ABCA9: variants seen among roughly 807,000 people sequenced by gnomAD.
ABCA9 encodes the protein ATP-binding cassette sub-family A member 9.
Under a neutral mutation model 205.3 loss-of-function variants are expected in ABCA9, and 183 were observed. The observed-to-expected ratio is 0.89, with a 90% CI of 0.79 to 1.01. The LOEUF (loss-of-function observed/expected upper bound fraction) is 1.01. ABCA9 is among the 50% of genes least tolerant of loss of function. ABCA9 has a pLI of 0.00. For missense variants in ABCA9, 1,805 were observed against 1,912.4 expected, an observed-to-expected ratio of 0.94 and a Z score of 1.05; for synonymous variants, 651 against 683.3, an observed-to-expected ratio of 0.95 and a Z score of 0.74.
At position 69,054,973 on chromosome 17, in the gene ABCA9, C is replaced by CA. The variant is rs550090870; in HGVS notation, c.-13-3835dup. 5.5e-3 allele frequency among the ~76,000 whole-genome samples: 824 copies of CA among 149,142 alleles called. 7 individuals carry two copies. Among genetic ancestry groups the CA allele is most frequent in the African/African-American group, 0.018 (740 of 40,650 alleles). ...CATGAAAGAAAGTAAAAACAAAAAACAAAAAAAATGAGTCTAAATGAATGA... is the reference window on the plus strand; with the variant it reads ...CATGAAAGAAAGTAAAAACAAAAAACAAAAAAAAATGAGTCTAAATGAATGA... On this transcript the variant is annotated intron_variant, in intron 1 of 38. Transcript: ENST00000340001.
intron 1 of ABCA9, among the ~76,000 whole-genome samples, chr17:69,059,906 G>C (rs2072186725): frequency 6.6e-6 from 1 of 152,108 alleles, no homozygotes. Context: ...TGCCATCGGA[G>C]CAGGCTGTGA....
chr17:69,034,034 T>C (rs1178536070), intron 8 of ABCA9, among the ~76,000 whole-genome samples, 161 bp from the exon 9 acceptor site: 1 of 152,130 alleles, frequency 6.6e-6, no homozygotes, highest in Non-Finnish European at 1.5e-5. Context: ...TTAATAGCAA[T>C]GAAGTGATGT....
intron 3 of ABCA9, among the ~76,000 whole-genome samples, chr17:69,048,721 C>T (rs73370073): frequency 6.6e-6 from 1 of 152,112 alleles, no homozygotes; most frequent in Non-Finnish European, 1.5e-5. Context: ...CAAATTGGCC[C>T]TCTCTGCTTT....
At chr17:69,006,457 G>A (rs2144164591) in intron 25 of ABCA9, among the ~76,000 whole-genome samples, 1 of 152,314 alleles carries the variant, frequency 6.6e-6, no homozygotes, top group Non-Finnish European at 1.5e-5. Context: ...CAATGAAAAG[G>A]AATAAACTAT....
At position 69,027,102 on chromosome 17, in the gene ABCA9, C is replaced by T. The variant is rs1031462415; in HGVS notation, c.1924G>A (p.Asp642Asn). Reference sequence around the variant, plus strand: ...GGATCCAATCCAGCAGTCGGTTCATCCAATAGCAAAACCTGGACAGGAGGA... The same window carrying T: ...GGATCCAATCCAGCAGTCGGTTCATTCAATAGCAAAACCTGGACAGGAGGA... ...ILGDPQVLLL[D>N]EPTAGLDPLS... The change falls in exon 15 of 39, where the codon GAT becomes AAT. Residue 642 changes from aspartate to asparagine, a missense_variant. Coordinates refer to ENST00000340001, the MANE Select transcript of ABCA9 (RefSeq NM_080283.4). The T allele has an allele frequency of 1.5e-5, 25 of 1,613,866 alleles. No homozygotes were observed. Among genetic ancestry groups the T allele is most frequent in the Non-Finnish European group, 2.1e-5 (25 of 1,179,978 alleles).
At chr17:69,000,553 G>T (rs965184449) in intron 25 of ABCA9, among the ~76,000 whole-genome samples, 1 of 146,984 alleles carries the variant, frequency 6.8e-6, no homozygotes, top group African/African-American at 2.5e-5. Flanking sequence ...TTTGAAGTCA[G>T]GTAGTGTGAT....
the ABCA9 span, among the ~76,000 whole-genome samples, chr17:69,074,950 A>G: frequency 6.6e-6 from 1 of 152,078 alleles, no homozygotes; most frequent in Non-Finnish European, 1.5e-5. Flanking sequence ...TCTGTCTGGT[A>G]TAATAAGGTA....
At chr17:69,034,460 T>G (rs8070285) in intron 8 of ABCA9, among the ~76,000 whole-genome samples, 55,391 of 151,986 alleles carry the variant, frequency 0.36, 10,418 homozygotes, top group East Asian at 0.68. Context: ...CCACAGGAGA[T>G]CCACCCATCT....
In ABCA9 at chr17:68,981,326, G is replaced by GA. The variant is rs966881812; in HGVS notation, c.4720+1235dup. Reference sequence around the variant, plus strand: ...CAAATAAATGTTAAGTATGTGATGTGAAAAAAAAAAGAAAAAAGAAAGCAG... The same window carrying GA: ...CAAATAAATGTTAAGTATGTGATGTGAAAAAAAAAAAGAAAAAAGAAAGCAG... On this transcript the variant is annotated intron_variant, in intron 37 of 38. Coordinates refer to ENST00000340001, the MANE Select transcript of ABCA9 (RefSeq NM_080283.4). Among the ~76,000 whole-genome samples, 77 of 146,754 alleles carry GA rather than the reference G, an allele frequency of 5.2e-4. 1 individual carries two copies. Among genetic ancestry groups the GA allele is most frequent in the South Asian group, 3.7e-3 (17 of 4,638 alleles).
At chr17:68,984,583 AT>A (rs1188113263) in intron 34 of ABCA9, among the ~76,000 whole-genome samples, 2 of 152,204 alleles carry the variant, frequency 1.3e-5, no homozygotes, top group Non-Finnish European at 2.9e-5. Flanking sequence ...CTCCATAGGA[AT>A]TGTATATCAG....
the ABCA9 span, among the ~76,000 whole-genome samples, chr17:69,075,004 G>A: frequency 5.3e-5 from 8 of 152,244 alleles, 1 homozygote; most frequent in South Asian, 1.7e-3. Flanking sequence ...GATTAGCAAT[G>A]TTGAGCATTT....
chr17:69,057,026 T>C (rs2072089217), intron 1 of ABCA9, among the ~76,000 whole-genome samples: 1 of 152,182 alleles, frequency 6.6e-6, no homozygotes. Context: ...GAATGGACTG[T>C]TGAGTCAAGG....
At chr17:69,021,114 AG>A (rs1257253113) in intron 18 of ABCA9, among the ~76,000 whole-genome samples, 2 of 152,186 alleles carry the variant, frequency 1.3e-5, no homozygotes, top group Non-Finnish European at 2.9e-5. Flanking sequence ...ATTAAAATTT[AG>A]TATAACACTA....
Position 68,974,870 on chromosome 17 carries a change from A to ATACTT in ABCA9, c.*1040_*1044dup, listed in dbSNP as rs2068859141. On this transcript the variant is annotated 3_prime_UTR_variant, in exon 39 of 39. Coordinates refer to ENST00000340001, the MANE Select transcript of ABCA9 (RefSeq NM_080283.4). ...CTGAAATTATTTATTTATTTTTATT[A>ATACTT]TACTTTAAGTTCTGGGATACATGTG... 2 of 152,314 alleles carry ATACTT rather than the reference A, an allele frequency of 1.3e-5. No individual in the cohort carries two copies. The highest frequency in any genetic ancestry group is 6.5e-5 in the Admixed American group (1 of 15,306). 9.4% of individuals were successfully genotyped at this position (152,314 alleles called of 1,614,324 possible).
intron 37 of ABCA9, among the ~76,000 whole-genome samples, chr17:68,981,411 C>A (rs952433919): frequency 6.6e-6 from 1 of 152,000 alleles, no homozygotes; most frequent in East Asian, 1.9e-4. Context: ...AAACATCAAT[C>A]TCTGCTCCTA....
At position 68,993,222 on chromosome 17, in the gene ABCA9, A is replaced by C. The variant is rs534519985; in HGVS notation, c.3556-138T>G. 85 of 689,284 alleles carry C rather than the reference A, an allele frequency of 1.2e-4. 1 individual carries two copies. In the South Asian group the frequency reaches 1.6e-3, roughly 13 times the overall value. 42.7% of individuals were successfully genotyped at this position (689,284 alleles called of 1,614,324 possible). On this transcript the variant is annotated intron_variant, in intron 26 of 38. Coordinates refer to ENST00000340001, the MANE Select transcript of ABCA9 (RefSeq NM_080283.4). ...GATGCTCCCTTGGGTATCATGTAAA[A>C]GTTAATTTCGGACTGTGCAGTATGT...
chr17:68,985,613 T>C (rs942298888), intron 32 of ABCA9, among the ~76,000 whole-genome samples: 1 of 151,676 alleles, frequency 6.6e-6, no homozygotes, highest in Non-Finnish European at 1.5e-5. Context: ...AGAGCAAGAC[T>C]CCGTCTCAAA....
chr17:69,007,892 G>A lies in ABCA9; in HGVS notation c.3322-20C>T, dbSNP rs2144177489. 2 of 1,520,426 alleles carry A rather than the reference G, an allele frequency of 1.3e-6. No homozygotes were observed. Among genetic ancestry groups the A allele is most frequent in the Non-Finnish European group, 1.8e-6 (2 of 1,099,298 alleles). The allele number at this position is 1,520,426 out of a possible 1,614,324, so 94.2% of individuals were successfully genotyped here. A position where few individuals can be genotyped will look rare whatever the true frequency, so the allele number is the denominator to read the frequency against. ...CAGGATCTGAAAACAGAAATGTTAA[G>A]GTCCAATAAGGTAAATACTATCTAG... On this transcript the variant is annotated intron_variant, in intron 24 of 38. Coordinates refer to ENST00000340001, the MANE Select transcript of ABCA9 (RefSeq NM_080283.4).
At chr17:68,993,176 G>T in intron 26 of ABCA9, 92 bp from the exon 27 acceptor site, 1 of 1,065,886 alleles carries the variant, frequency 9.4e-7, no homozygotes, top group Non-Finnish European at 1.4e-6. Context: ...CCTATTCAAT[G>T]GCCTTACAAC....
Sources: gnomAD v4.1 joint callset for allele counts (sites outside exome capture counted in the v4.1 genomes callset) on GRCh38, gnomAD v4.1.1 for gene constraint, MANE v1.5 for transcripts, NCBI Gene and HGNC (gene_info 2026-07-23, HGNC 2026-07-21) for gene names.